Variants in ZNF277 observed in about 807,000 individuals in gnomAD.
ZNF277 encodes zinc finger protein 277.
A neutral mutation model predicts 60.7 loss-of-function variants in ZNF277; 55 were observed. The observed-to-expected ratio is 0.91, with a 90% CI of 0.73 to 1.13. ZNF277 has a LOEUF of 1.13. Ranked by LOEUF, ZNF277 falls within the 50% of genes most tolerant of loss-of-function variation. ZNF277 has a pLI of 0.00. For missense variants in ZNF277, 510 were observed against 523.0 expected, an observed-to-expected ratio of 0.98 and a Z score of 0.24; for synonymous variants, 178 against 179.3, an observed-to-expected ratio of 0.99 and a Z score of 0.06.
intron 1 of ZNF277, 101 bp from the exon 2 acceptor site, chr7:112,286,772 T>C: frequency 1.0e-6 from 1 of 973,078 alleles, no homozygotes; most frequent in Non-Finnish European, 1.5e-6. Context: ...TAAATATCTT[T>C]AGGATCTTTT....
chr7:112,237,955 A>G (rs952218633), intron 1 of ZNF277, among the ~76,000 whole-genome samples: 3 of 152,224 alleles, frequency 2.0e-5, no homozygotes, highest in African/African-American at 7.2e-5. Flanking sequence ...ATCCAACAGC[A>G]CATGAAAAAT....
chr7:112,249,402 G>A (rs980909613), intron 1 of ZNF277, among the ~76,000 whole-genome samples: 1 of 152,162 alleles, frequency 6.6e-6, no homozygotes, highest in African/African-American at 2.4e-5. Context: ...TGTGTTAAAT[G>A]AGCCATTTGA....
chr7:112,312,256 G>A (rs1397474088), intron 4 of ZNF277, among the ~76,000 whole-genome samples: 1 of 151,980 alleles, frequency 6.6e-6, no homozygotes, highest in African/African-American at 2.4e-5. Flanking sequence ...TTGAGTCCTA[G>A]GCAGATGAAT....
intron 2 of ZNF277, chr7:112,289,071 C>T (rs540176084): frequency 4.0e-4 from 61 of 151,124 alleles, no homozygotes; most frequent in African/African-American, 1.4e-3. Context: ...TTTTTATCAC[C>T]GAAGGTATAT....
Position 112,330,107 on chromosome 7 carries a change from A to C in ZNF277, c.692A>C (p.Lys231Thr), listed in dbSNP as rs895187258. 4.3e-6 allele frequency: 7 copies of C among 1,613,374 alleles called. No homozygotes were observed. Among genetic ancestry groups the C allele is most frequent in the Non-Finnish European group, 5.9e-6 (7 of 1,179,822 alleles). The change falls in exon 7 of 12, where the codon AAG becomes ACG. Residue 231 changes from lysine to threonine, a missense_variant. By Grantham distance (78) the Lys-to-Thr change is moderately conservative. Coordinates refer to ENST00000361822, the MANE Select transcript of ZNF277 (RefSeq NM_021994.3). The part of the protein sequence containing the change: ...LDNLQCLYCE[K>T]TFRDKNTLKD... ...AGTTTGCAGTGCTTGTACTGTGAGA[A>C]GACCTTCAGGGACAAAAATACACTT...
intron 1 of ZNF277, among the ~76,000 whole-genome samples, chr7:112,232,142 C>T (rs1490862910): frequency 6.7e-6 from 1 of 149,238 alleles, no homozygotes; most frequent in Admixed American, 6.7e-5. Flanking sequence ...ATGTGAAAGA[C>T]TGGACAGATG....
At chr7:112,278,236 C>A (rs1791858050) in intron 1 of ZNF277, among the ~76,000 whole-genome samples, 2 of 152,050 alleles carry the variant, frequency 1.3e-5, no homozygotes, top group Admixed American at 1.3e-4. Flanking sequence ...ATAGTCAGGA[C>A]CTAATAGTAG....
At chr7:112,293,889 A>G (rs896354219) in intron 2 of ZNF277, among the ~76,000 whole-genome samples, 1 of 152,214 alleles carries the variant, frequency 6.6e-6, no homozygotes, top group Non-Finnish European at 1.5e-5. Flanking sequence ...GTATTCTAGC[A>G]GTAGCAGTAG....
At chr7:112,206,875 C>A in intron 1 of ZNF277, 68 bp downstream of exon 1, 2 of 1,512,984 alleles carry the variant, frequency 1.3e-6, no homozygotes, top group Non-Finnish European at 9.1e-7. Flanking sequence ...GTGCAACGGA[C>A]CTCTGGTCTG....
chr7:112,233,759 G>T (rs1822405318), intron 1 of ZNF277, among the ~76,000 whole-genome samples: 1 of 152,092 alleles, frequency 6.6e-6, no homozygotes, highest in Non-Finnish European at 1.5e-5. Context: ...TTAAATCACA[G>T]GTTCCAATAT....
chr7:112,253,601 T>C (rs1791242433), intron 1 of ZNF277, among the ~76,000 whole-genome samples: 2 of 152,306 alleles, frequency 1.3e-5, no homozygotes, highest in South Asian at 2.1e-4. Flanking sequence ...CCATATCCAG[T>C]TGGGCAAATA....
intron 1 of ZNF277, among the ~76,000 whole-genome samples, chr7:112,252,227 C>CT (rs1428053695): frequency 2.0e-5 from 3 of 152,066 alleles, no homozygotes; most frequent in Non-Finnish European, 4.4e-5. Flanking sequence ...TGCTTATTTC[C>CT]TTTGGATTAC....
chr7:112,206,825 G>A lies in ZNF277; in HGVS notation c.91+18G>A. 1 of 1,610,698 alleles carries A rather than the reference G, an allele frequency of 6.2e-7. No individual in the cohort carries two copies. Among genetic ancestry groups the A allele is most frequent in the Non-Finnish European group, 8.5e-7 (1 of 1,177,926 alleles). On this transcript the variant is annotated intron_variant, in intron 1 of 11. Transcript: ENST00000361822. The stretch of plus-strand genomic sequence containing the variant: ...TTATGGGGGTGAGTACGGTGCCCCG[G>A]AGGCGCGGCTGATGTGTCTTCCTTT...
intron 1 of ZNF277, among the ~76,000 whole-genome samples, chr7:112,251,514 A>G (rs1036833576): frequency 1.3e-5 from 2 of 152,162 alleles, no homozygotes; most frequent in Non-Finnish European, 2.9e-5. Flanking sequence ...TTATATGTAT[A>G]TGTTTTGTCT....
In ZNF277 at chr7:112,226,634, G is replaced by A. The variant is rs187421263; in HGVS notation, c.91+19827G>A. 2.9e-3 allele frequency among the ~76,000 whole-genome samples: 441 copies of A among 152,204 alleles called. 2 individuals carry two copies. Among genetic ancestry groups the A allele is most frequent in the Non-Finnish European group, 3.9e-3 (265 of 67,992 alleles). ...GTGCTTCTTATTAAGTCAGGTAACCGTAGCTTTCTAATGCATTATTTAAGG... is the reference window on the plus strand; with the variant it reads ...GTGCTTCTTATTAAGTCAGGTAACCATAGCTTTCTAATGCATTATTTAAGG... On this transcript the variant is annotated intron_variant, in intron 1 of 11. Transcript: ENST00000361822.
chr7:112,217,654 C>T (rs1223692630), intron 1 of ZNF277, among the ~76,000 whole-genome samples: 1 of 152,174 alleles, frequency 6.6e-6, no homozygotes, highest in Non-Finnish European at 1.5e-5. Context: ...ACAGCCCTTT[C>T]CCAAAACAAA....
At chr7:112,257,076 T>TG (rs1328950363) in intron 1 of ZNF277, among the ~76,000 whole-genome samples, 1 of 152,224 alleles carries the variant, frequency 6.6e-6, no homozygotes, top group Non-Finnish European at 1.5e-5. Flanking sequence ...TAAGTAGTTA[T>TG]TTTTCAATGG....
chr7:112,320,922 T>C (rs1262461578), intron 5 of ZNF277, among the ~76,000 whole-genome samples: 2 of 133,582 alleles, frequency 1.5e-5, no homozygotes, highest in Admixed American at 1.5e-4. Context: ...TCTTTCTTTT[T>C]TTTTTTTTTT....
intron 4 of ZNF277, among the ~76,000 whole-genome samples, chr7:112,311,311 T>C (rs1297916286): frequency 6.6e-6 from 1 of 152,126 alleles, no homozygotes; most frequent in Admixed American, 6.6e-5. Context: ...AAAACATATA[T>C]AGCTTATTAT....
Sources: allele counts gnomAD v4.1 joint callset (sites outside exome capture counted in the v4.1 genomes callset), GRCh38; gene constraint gnomAD v4.1.1; transcripts MANE v1.5; gene names NCBI Gene and HGNC (gene_info 2026-07-23, HGNC 2026-07-21).